The following NLGN1 variants were observed in gnomAD, a reference collection of about 807,000 sequenced individuals.
NLGN1 encodes neuroligin-1.
Under a neutral mutation model 65.5 loss-of-function variants are expected in NLGN1, and 12 were observed. The ratio of observed to expected loss-of-function variants is 0.18; its 90% CI spans 0.12 to 0.30. The LOEUF (loss-of-function observed/expected upper bound fraction) is 0.30. Ranked by LOEUF, NLGN1 falls within the 10% of genes least tolerant of loss-of-function variation. The pLI is 1.00. For synonymous variants in NLGN1, 350 were observed against 359.5 expected, an observed-to-expected ratio of 0.97 and a Z score of 0.30; for missense variants, 750 against 1,007.1, an observed-to-expected ratio of 0.74 and a Z score of 3.46.
intron 2 of NLGN1, among the ~76,000 whole-genome samples, chr3:173,507,997 G>A (rs1467327920): frequency 6.6e-6 from 1 of 152,090 alleles, no homozygotes; most frequent in Non-Finnish European, 1.5e-5. Context: ...GTACATATCA[G>A]GTACCTAATA....
At chr3:173,594,291 A>G (rs1203725272) in intron 2 of NLGN1, among the ~76,000 whole-genome samples, 1 of 152,242 alleles carries the variant, frequency 6.6e-6, no homozygotes, top group African/African-American at 2.4e-5. Context: ...ATGGGTAGAT[A>G]CAGCCATTCC....
At chr3:173,537,447 A>AC in intron 2 of NLGN1, among the ~76,000 whole-genome samples, 1 of 152,142 alleles carries the variant, frequency 6.6e-6, no homozygotes, top group Middle Eastern at 3.4e-3. Flanking sequence ...ATCTTACGTT[A>AC]CATGACAAGA....
chr3:173,806,348 T>C (rs1330580668), intron 3 of NLGN1, among the ~76,000 whole-genome samples: 1 of 152,150 alleles, frequency 6.6e-6, no homozygotes, highest in Non-Finnish European at 1.5e-5. Context: ...TCACTAGTTC[T>C]TTCAATAAAT....
At chr3:173,445,267 CAAAAAAAAAAAA>C (rs60140480) in intron 2 of NLGN1, among the ~76,000 whole-genome samples, 18 of 103,486 alleles carry the variant, frequency 1.7e-4, no homozygotes, top group Non-Finnish European at 2.8e-4. Flanking sequence ...GACTCCGTCT[CAAAAAAAAAAAA>C]AAAAAAAAAA....
At position 173,488,042 on chromosome 3, in the gene NLGN1, C is replaced by A. The variant is rs1444850591; in HGVS notation, c.-321+52964C>A. ...ATTTTTGCTTTTTCATTCTTCTTTT[C>A]TACCTTCTGTTTGATATTTTCTTCA... On this transcript the variant is annotated intron_variant, in intron 2 of 6. Transcript: ENST00000457714. 6.6e-5 allele frequency among the ~76,000 whole-genome samples: 10 copies of A among 151,286 alleles called. 1 individual carries two copies. Among genetic ancestry groups the A allele is most frequent in the Non-Finnish European group, 1.5e-4 (10 of 67,702 alleles).
intron 4 of NLGN1, among the ~76,000 whole-genome samples, chr3:173,924,252 A>T (rs2152270745): frequency 6.6e-6 from 1 of 152,286 alleles, no homozygotes; most frequent in South Asian, 2.1e-4. Flanking sequence ...ATTTTTTTAA[A>T]TTTAAATTTC....
At chr3:173,995,566 G>T (rs1481894292) in intron 4 of NLGN1, among the ~76,000 whole-genome samples, 2 of 151,424 alleles carry the variant, frequency 1.3e-5, no homozygotes, top group Non-Finnish European at 2.9e-5. Flanking sequence ...CCTGAGTGAA[G>T]AGGGAATTAG....
At chr3:173,545,060 G>T (rs867744174) in intron 2 of NLGN1, among the ~76,000 whole-genome samples, 18 of 123,156 alleles carry the variant, frequency 1.5e-4, no homozygotes, top group African/African-American at 6.0e-4. Context: ...GTGTGTGGTT[G>T]TTTTTTTTGT....
At chr3:174,035,274 A>G (rs889721017) in intron 4 of NLGN1, among the ~76,000 whole-genome samples, 1 of 152,196 alleles carries the variant, frequency 6.6e-6, no homozygotes, top group African/African-American at 2.4e-5. Flanking sequence ...AACAAAAATC[A>G]GCATTTGAAA....
chr3:173,922,221 T>G (rs1468734998), intron 4 of NLGN1, among the ~76,000 whole-genome samples: 2 of 152,114 alleles, frequency 1.3e-5, no homozygotes, highest in Admixed American at 6.6e-5. Flanking sequence ...ATTTATGTTT[T>G]TATGTGTTTG....
intron 2 of NLGN1, among the ~76,000 whole-genome samples, chr3:173,520,208 G>A (rs1038196680): frequency 1.3e-5 from 2 of 152,146 alleles, no homozygotes; most frequent in Non-Finnish European, 2.9e-5. Flanking sequence ...GCAGATCCAT[G>A]AGCCAATTAA....
At chr3:173,427,044 A>G (rs1716243167) in intron 1 of NLGN1, among the ~76,000 whole-genome samples, 2 of 152,076 alleles carry the variant, frequency 1.3e-5, no homozygotes, top group African/African-American at 2.4e-5. Flanking sequence ...TCATGATTCA[A>G]TCTTGTAAGA....
chr3:173,900,831 C>T (rs756703813), intron 4 of NLGN1, among the ~76,000 whole-genome samples: 4 of 151,904 alleles, frequency 2.6e-5, no homozygotes, highest in Non-Finnish European at 5.9e-5. Flanking sequence ...ATCATTTGTT[C>T]AACATTTTAC....
At chr3:173,558,128 A>AGATACAGTT (rs1742011749) in intron 2 of NLGN1, among the ~76,000 whole-genome samples, 1 of 149,468 alleles carries the variant, frequency 6.7e-6, no homozygotes, top group African/African-American at 2.4e-5. Flanking sequence ...TCCACCTTAA[A>AGATACAGTT]GATACAGTTG....
chr3:173,588,622 G>A (rs147389027), intron 2 of NLGN1, among the ~76,000 whole-genome samples: 1 of 152,298 alleles, frequency 6.6e-6, no homozygotes, highest in Non-Finnish European at 1.5e-5. Flanking sequence ...ATAACAGTCA[G>A]TATAATCTCT....
chr3:174,091,694 T>C (rs557784889), intron 4 of NLGN1, among the ~76,000 whole-genome samples: 9 of 152,214 alleles, frequency 5.9e-5, no homozygotes, highest in Non-Finnish European at 1.2e-4. Flanking sequence ...AAGTAATATA[T>C]AAAGTTTAGG....
rs565876886 is a variant in NLGN1 at position 174,233,372 on chromosome 3, G to T, written c.647-41943G>T. On this transcript the variant is annotated intron_variant, in intron 4 of 6. Transcript: ENST00000457714. ...GTGGTGGCGCATGCCTGTAATCCCAGCTACTCAGGAGGCTGAGGCGGGAGA... is the reference window on the plus strand; with the variant it reads ...GTGGTGGCGCATGCCTGTAATCCCATCTACTCAGGAGGCTGAGGCGGGAGA... 3.0e-3 allele frequency among the ~76,000 whole-genome samples: 455 copies of T among 152,082 alleles called. 1 individual carries two copies. Among genetic ancestry groups the T allele is most frequent in the South Asian group, 7.5e-3 (36 of 4,802 alleles).
At chr3:173,410,050 T>C (rs1425455612) in intron 1 of NLGN1, among the ~76,000 whole-genome samples, 1 of 152,134 alleles carries the variant, frequency 6.6e-6, no homozygotes, top group Non-Finnish European at 1.5e-5. Flanking sequence ...TTCTTTAGCT[T>C]AATAGGTGGT....
chr3:174,257,257 CAG>C (rs1029903573), intron 4 of NLGN1, among the ~76,000 whole-genome samples: 10 of 152,114 alleles, frequency 6.6e-5, no homozygotes, highest in African/African-American at 2.4e-4. Flanking sequence ...CAAAAAACAA[CAG>C]AGGCTGGTGA....
Sources: gnomAD v4.1 joint callset for allele counts (sites outside exome capture counted in the v4.1 genomes callset) on GRCh38, gnomAD v4.1.1 for gene constraint, MANE v1.5 for transcripts, NCBI Gene and HGNC (gene_info 2026-07-23, HGNC 2026-07-21) for gene names.